Variants in MMRN1 observed in about 807,000 individuals in gnomAD.
MMRN1 encodes multimerin-1.
MMRN1 carries 94 observed loss-of-function variants against 100.7 expected under a neutral mutation model. The observed-to-expected ratio is 0.93, with a 90% CI of 0.79 to 1.11. MMRN1 has a LOEUF of 1.11. Ranked by LOEUF, MMRN1 falls within the 50% of genes least tolerant of loss-of-function variation. The pLI is 0.00. For synonymous variants in MMRN1, 575 were observed against 505.0 expected, an observed-to-expected ratio of 1.14 and a Z score of -1.86; for missense variants, 1,606 against 1,439.1, an observed-to-expected ratio of 1.12 and a Z score of -1.88.
chr4:89,911,964 C>T lies in MMRN1; in HGVS notation c.764C>T (p.Pro255Leu). The change falls in exon 3 of 8, where the codon CCT becomes CTT. Residue 255 changes from proline to leucine, a missense_variant. By Grantham distance (98) the Pro-to-Leu change is moderately conservative. Transcript: ENST00000264790. ...CPQRSQKISN[P>L]VYRMQHKIVT... ...TCTAGATCTCAGAAGATATCCAATC[C>T]TGTCTATAGGATGCAACATAAAATT... 1 of 1,600,272 alleles carries T rather than the reference C, an allele frequency of 6.2e-7. No homozygotes were observed. The highest frequency in any genetic ancestry group is 8.5e-7 in the Non-Finnish European group (1 of 1,170,994).
At chr4:89,932,492 C>T (rs545672827) in intron 5 of MMRN1, among the ~76,000 whole-genome samples, 2 of 152,308 alleles carry the variant, frequency 1.3e-5, no homozygotes, top group East Asian at 1.9e-4. Context: ...CCCACATTTC[C>T]CTTCTGCACC....
chr4:89,936,577 T>C lies in MMRN1; in HGVS notation c.2897T>C (p.Phe966Ser). Residue 966 changes from phenylalanine to serine, a missense_variant, in exon 6 of 8, where the codon TTT becomes TCT. Coordinates refer to ENST00000264790, the MANE Select transcript of MMRN1 (RefSeq NM_007351.3). Reference sequence around the variant, plus strand: ...CTTCTTCAGAAAGGTCTAACAGAATTTGTGGAACCAATAATTCAAATAAAA... The same window carrying C: ...CTTCTTCAGAAAGGTCTAACAGAATCTGTGGAACCAATAATTCAAATAAAA... Reference protein sequence around the residue: ...IQLLQKGLTEFVEPIIQIKTQ... With the variant: ...IQLLQKGLTESVEPIIQIKTQ... 1 of 1,612,280 alleles carries C rather than the reference T, an allele frequency of 6.2e-7. No individual in the cohort carries two copies. Among genetic ancestry groups the C allele is most frequent in the Non-Finnish European group, 8.5e-7 (1 of 1,179,370 alleles).
At chr4:89,945,269 T>A (rs1722952752) in intron 6 of MMRN1, among the ~76,000 whole-genome samples, 1 of 152,170 alleles carries the variant, frequency 6.6e-6, no homozygotes, top group African/African-American at 2.4e-5. Flanking sequence ...TTTGGTTGTT[T>A]CCAGTCTGGG....
At chr4:89,932,881 G>A (rs1722486757) in intron 5 of MMRN1, among the ~76,000 whole-genome samples, 1 of 152,126 alleles carries the variant, frequency 6.6e-6, no homozygotes, top group Admixed American at 6.6e-5. Flanking sequence ...ACATTTGGCT[G>A]CTTATTACTT....
intron 5 of MMRN1, among the ~76,000 whole-genome samples, chr4:89,929,244 C>G (rs1722361882): frequency 6.6e-6 from 1 of 151,946 alleles, no homozygotes; most frequent in Non-Finnish European, 1.5e-5. Flanking sequence ...AGTGTACAAC[C>G]CAATTTTTAT....
At chr4:89,882,463 T>G (rs1349409333) in intron 1 of MMRN1, among the ~76,000 whole-genome samples, 1 of 151,846 alleles carries the variant, frequency 6.6e-6, no homozygotes, top group Non-Finnish European at 1.5e-5. Flanking sequence ...TGATCTAGTT[T>G]TAGAAAACTT....
upstream of MMRN1, among the ~76,000 whole-genome samples, chr4:89,891,134 T>C (rs1721045243): frequency 1.3e-5 from 2 of 152,108 alleles, no homozygotes; most frequent in African/African-American, 2.4e-5. Flanking sequence ...ATTTTGAGAA[T>C]AGATAATATA....
At chr4:89,883,967 G>T (rs1427343450) in intron 1 of MMRN1, among the ~76,000 whole-genome samples, 1 of 152,016 alleles carries the variant, frequency 6.6e-6, no homozygotes, top group Non-Finnish European at 1.5e-5. Context: ...TCACGTATTT[G>T]TTCCAGTATC....
At position 89,912,241 on chromosome 4, in the gene MMRN1, A is replaced by C. The variant is rs191607078; in HGVS notation, c.850+191A>C. Among the ~76,000 whole-genome samples, 747 of 151,412 alleles carry C rather than the reference A, an allele frequency of 4.9e-3. 5 individuals are homozygous for C. The highest frequency in any genetic ancestry group is 7.7e-3 in the Admixed American group (117 of 15,132). On this transcript the variant is annotated intron_variant, in intron 3 of 7. Coordinates refer to ENST00000264790, the MANE Select transcript of MMRN1 (RefSeq NM_007351.3). ...CTGAAATCTCATAAGCTATTCTTTA[A>C]CTTCTCCCCCCATTTTTATGTTGGA...
intron 4 of MMRN1, among the ~76,000 whole-genome samples, chr4:89,924,349 T>C (rs1001204640): frequency 5.9e-5 from 9 of 152,096 alleles, no homozygotes; most frequent in Admixed American, 3.9e-4. Flanking sequence ...AGTTAAAACA[T>C]TTTAGAAATC....
Position 89,935,827 on chromosome 4 carries a change from G to A in MMRN1, c.2147G>A (p.Arg716His), listed in dbSNP as rs753379290. The A allele has an allele frequency of 1.1e-5, 18 of 1,612,978 alleles. No individual in the cohort carries two copies. Among genetic ancestry groups the A allele is most frequent in the South Asian group, 4.4e-5 (4 of 90,976 alleles). ...GGTCGTGATGATGCCTTAGAAAGAC[G>A]TATCAATGAATATGCCTTAGAAATG... Reference protein sequence around the residue: ...VQGRDDALERRINEYALEMED... With the variant: ...VQGRDDALERHINEYALEMED... Residue 716 changes from arginine (R) to histidine (H), a missense_variant, in exon 6 of 8, where the codon CGT becomes CAT. Arg to His is a conservative substitution (Grantham distance 29). Coordinates refer to ENST00000264790, the MANE Select transcript of MMRN1 (RefSeq NM_007351.3).
chr4:89,927,125 T>C (rs991760912), intron 4 of MMRN1, among the ~76,000 whole-genome samples: 2 of 151,916 alleles, frequency 1.3e-5, no homozygotes, highest in East Asian at 3.8e-4. Flanking sequence ...CTGGGTCTTT[T>C]GTTGTTCCAT....
rs140134687 is a variant in MMRN1 at position 89,953,417 on chromosome 4, A to G, written c.3686A>G (p.Ter1229=). 2.5e-6 allele frequency: 4 copies of G among 1,579,718 alleles called. No individual in the cohort carries two copies. The African/African-American group carries it at 5.5e-5, about 22-fold the overall frequency. The part of the protein sequence containing the change: ...TFSGYLLYRT[*] ...AGTGGCTATTTATTATATCGTACATAAGTTAGTATGAAAAACAGACTATCA... is the reference window on the plus strand; with the variant it reads ...AGTGGCTATTTATTATATCGTACATGAGTTAGTATGAAAAACAGACTATCA... The change falls in exon 8 of 8, where the codon TAA becomes TGA. Residue 1229 remains the stop codon, a stop_retained_variant. Coordinates refer to ENST00000264790, the MANE Select transcript of MMRN1 (RefSeq NM_007351.3).
At chr4:89,922,462 T>C (rs1384752122) in intron 3 of MMRN1, among the ~76,000 whole-genome samples, 2 of 152,204 alleles carry the variant, frequency 1.3e-5, no homozygotes, top group Non-Finnish European at 2.9e-5. Flanking sequence ...AATGAAAAAC[T>C]ATATTGCCAT....
chr4:89,881,956 A>G (rs968135094), intron 1 of MMRN1, among the ~76,000 whole-genome samples: 2 of 151,932 alleles, frequency 1.3e-5, no homozygotes, highest in Admixed American at 1.3e-4. Flanking sequence ...TCCAATATCT[A>G]TACCTTAAAT....
At chr4:89,907,424 T>C (rs2110592899) in intron 1 of MMRN1, among the ~76,000 whole-genome samples, 1 of 151,678 alleles carries the variant, frequency 6.6e-6, no homozygotes, top group East Asian at 1.9e-4. Context: ...TTTTTATGTG[T>C]TGTTTTCTGG....
rs367857761 is a variant in MMRN1, at chr4:89,933,574, G to A, written c.1130-1236G>A. ...ACATGGCTGGGGGAGCTTCACAATC[G>A]TGGCAGAAGGTGAAGAAAGAGCAAA... On this transcript the variant is annotated intron_variant, in intron 5 of 7. Transcript: ENST00000264790. Among the ~76,000 whole-genome samples, 5 of 152,116 alleles carry A rather than the reference G, an allele frequency of 3.3e-5. 1 individual carries two copies. The East Asian group carries it at 7.7e-4, about 23-fold the overall frequency.
chr4:89,883,166 T>C (rs560956504), intron 1 of MMRN1, among the ~76,000 whole-genome samples: 93 of 152,224 alleles, frequency 6.1e-4, no homozygotes, highest in African/African-American at 2.1e-3. Flanking sequence ...TATATCTTCT[T>C]CTCTTGATAT....
At chr4:89,908,621 A>AT (rs1421882763) in intron 1 of MMRN1, among the ~76,000 whole-genome samples, 10 of 149,290 alleles carry the variant, frequency 6.7e-5, no homozygotes, top group Admixed American at 6.0e-4. Flanking sequence ...TCTTGTTGTT[A>AT]TTTTTTGCTA....
Sources: gnomAD v4.1 joint callset for allele counts (sites outside exome capture counted in the v4.1 genomes callset) on GRCh38, gnomAD v4.1.1 for gene constraint, MANE v1.5 for transcripts, NCBI Gene and HGNC (gene_info 2026-07-23, HGNC 2026-07-21) for gene names.